OXCT1: variants seen among roughly 807,000 people sequenced by gnomAD.
OXCT1 encodes the protein 3-oxoacid CoA-transferase 1.
OXCT1 carries 27 observed loss-of-function variants against 69.6 expected under a neutral mutation model. The ratio of observed to expected loss-of-function variants is 0.39; its 90% CI spans 0.29 to 0.54. The LOEUF is 0.54. Among genes scored for constraint, OXCT1 ranks in the 20% least tolerant of loss-of-function variants. OXCT1 has a pLI of 0.72. For missense variants in OXCT1, 437 were observed against 650.2 expected (o/e 0.67, Z 3.57); for synonymous variants, 202 against 217.8 (o/e 0.93, Z 0.64).
intron 7 of OXCT1, among the ~76,000 whole-genome samples, chr5:41,836,673 C>T (rs1017738473): frequency 2.0e-5 from 3 of 152,130 alleles, no homozygotes; most frequent in Non-Finnish European, 4.4e-5. Flanking sequence ...AGATCCCTCA[C>T]ATGCAGAGTT....
At position 41,862,730 on chromosome 5, in the gene OXCT1, G is replaced by C. The variant is rs182901792; in HGVS notation, c.99C>G (p.Ser33=). 168 of 1,608,806 alleles carry C rather than the reference G, an allele frequency of 1.0e-4. No homozygotes were observed. The highest frequency in any genetic ancestry group is 1.0e-3 in the Admixed American group (60 of 59,880). ...ACTTGGTATGGCGATGAGCACTGGT[G>C]GAAAAGGAACAAACACATCCCTGAA... ...TWYKGCVCSF[S]TSAHRHTKFY... Residue 33 remains serine, a synonymous_variant, in exon 2 of 17, where the codon TCC becomes TCG. Coordinates refer to ENST00000196371, the MANE Select transcript of OXCT1 (RefSeq NM_000436.4).
chr5:41,858,060 T>G (rs536874249), intron 3 of OXCT1, among the ~76,000 whole-genome samples: 1 of 152,336 alleles, frequency 6.6e-6, no homozygotes, highest in Admixed American at 6.5e-5. Flanking sequence ...AGATCACATC[T>G]CTTTATTCAT....
chr5:41,843,225 A>G (rs1486322713), intron 5 of OXCT1, among the ~76,000 whole-genome samples: 1 of 152,208 alleles, frequency 6.6e-6, no homozygotes, highest in Non-Finnish European at 1.5e-5. Flanking sequence ...TCAATAACCT[A>G]TATCACCTGT....
intron 10 of OXCT1, among the ~76,000 whole-genome samples, chr5:41,802,699 G>A (rs183689892): frequency 1.0e-3 from 152 of 152,178 alleles, no homozygotes; most frequent in African/African-American, 3.6e-3. Flanking sequence ...AGTTTACACA[G>A]GAAATCATGA....
intron 9 of OXCT1, among the ~76,000 whole-genome samples, chr5:41,805,366 A>G: frequency 6.6e-6 from 1 of 152,010 alleles, no homozygotes; most frequent in East Asian, 1.9e-4. Flanking sequence ...TGTTTCAAGA[A>G]GGCAAAGAGA....
chr5:41,743,282 G>C (rs1294002493), intron 15 of OXCT1, among the ~76,000 whole-genome samples: 1 of 152,166 alleles, frequency 6.6e-6, no homozygotes, highest in Non-Finnish European at 1.5e-5. Context: ...GTCTTCTTTT[G>C]AGAAGTGTCT....
chr5:41,779,108 G>A (rs574715391), intron 13 of OXCT1, among the ~76,000 whole-genome samples: 1 of 152,276 alleles, frequency 6.6e-6, no homozygotes, highest in East Asian at 1.9e-4. Flanking sequence ...CGTGTTAGAA[G>A]CCTGAACCAG....
Position 41,819,650 on chromosome 5 carries a change from G to A in OXCT1, c.733-12212C>T, listed in dbSNP as rs116205755. ...CTCCCAAAGTGCTGAGATAACAGGCGTGAGCCACCTTCTTTTTTTTTTTTT... is the reference window on the plus strand; with the variant it reads ...CTCCCAAAGTGCTGAGATAACAGGCATGAGCCACCTTCTTTTTTTTTTTTT... On this transcript the variant is annotated intron_variant, in intron 7 of 16. Transcript: ENST00000196371. 5.9e-3 allele frequency among the ~76,000 whole-genome samples: 897 copies of A among 151,726 alleles called. 10 individuals carry two copies. The highest frequency in any genetic ancestry group is 0.021 in the African/African-American group (854 of 41,390).
At chr5:41,858,042 C>G (rs1749510718) in intron 3 of OXCT1, among the ~76,000 whole-genome samples, 1 of 152,144 alleles carries the variant, frequency 6.6e-6, no homozygotes, top group African/African-American at 2.4e-5. Flanking sequence ...TAAGTTGGCT[C>G]TATTTGGAGA....
At chr5:41,741,685 G>T (rs1451562282) in intron 15 of OXCT1, among the ~76,000 whole-genome samples, 1 of 152,150 alleles carries the variant, frequency 6.6e-6, no homozygotes, top group Non-Finnish European at 1.5e-5. Context: ...AGTGATAACT[G>T]CATTATTGGT....
intron 13 of OXCT1, among the ~76,000 whole-genome samples, chr5:41,769,791 T>G (rs1002931482): frequency 6.6e-6 from 1 of 152,170 alleles, no homozygotes; most frequent in Non-Finnish European, 1.5e-5. Flanking sequence ...ATTATTATTT[T>G]TGAGACAGAG....
intron 7 of OXCT1, among the ~76,000 whole-genome samples, chr5:41,839,968 C>T (rs576745008): frequency 5.0e-4 from 76 of 152,322 alleles, no homozygotes; most frequent in Non-Finnish European, 9.7e-4. Flanking sequence ...ATCCAAGCCC[C>T]TTCCAAACAC....
chr5:41,783,333 A>G (rs1745500620), intron 13 of OXCT1, among the ~76,000 whole-genome samples: 1 of 152,234 alleles, frequency 6.6e-6, no homozygotes. Flanking sequence ...ATTTAATAAA[A>G]TTTAGTCTTC....
chr5:41,794,472 T>C, intron 12 of OXCT1: 1 of 615,360 alleles, frequency 1.6e-6, no homozygotes, highest in Admixed American at 2.9e-5. Context: ...GGATTCCATT[T>C]TGGGGGTTCT....
At chr5:41,808,251 C>T (rs141566974) in intron 7 of OXCT1, among the ~76,000 whole-genome samples, 2 of 152,168 alleles carry the variant, frequency 1.3e-5, no homozygotes, top group African/African-American at 4.8e-5. Flanking sequence ...GTGACACGCA[C>T]GCACACAAAC....
At chr5:41,818,922 TAAA>T (rs373863048) in intron 7 of OXCT1, among the ~76,000 whole-genome samples, 2 of 143,874 alleles carry the variant, frequency 1.4e-5, no homozygotes. Context: ...GTGACTCGTT[TAAA>T]AAAAAAAAAA....
chr5:41,819,208 C>T (rs1044820368), intron 7 of OXCT1, among the ~76,000 whole-genome samples: 5 of 152,074 alleles, frequency 3.3e-5, no homozygotes, highest in African/African-American at 1.2e-4. Flanking sequence ...GAAAAGGAAT[C>T]CATGTCATTC....
chr5:41,794,778 A>G lies in OXCT1; in HGVS notation c.1100-29T>C, dbSNP rs542881883. On this transcript the variant is annotated intron_variant, in intron 11 of 16. Coordinates refer to ENST00000196371, the MANE Select transcript of OXCT1 (RefSeq NM_000436.4). ...AACACACACACACACAAAAGAAAGA[A>G]AAGGCTATTAGATTTCTAAGAGTAT... 24 of 1,604,962 alleles carry G rather than the reference A, an allele frequency of 1.5e-5. No individual in the cohort carries two copies. In the East Asian group the frequency reaches 5.1e-4, roughly 34 times the overall value.
At chr5:41,756,214 C>T (rs781358392) in intron 14 of OXCT1, among the ~76,000 whole-genome samples, 3 of 152,006 alleles carry the variant, frequency 2.0e-5, no homozygotes, top group Admixed American at 6.6e-5. Flanking sequence ...AATTAAGAAA[C>T]CAAGCTTTGT....
Sources: gnomAD v4.1 joint callset for allele counts (sites outside exome capture counted in the v4.1 genomes callset) on GRCh38, gnomAD v4.1.1 for gene constraint, MANE v1.5 for transcripts, NCBI Gene and HGNC (gene_info 2026-07-23, HGNC 2026-07-21) for gene names.